MAP3K4: variants seen among roughly 807,000 people sequenced by gnomAD.
The protein encoded by MAP3K4 is mitogen-activated protein kinase kinase kinase 4, also known as MAP three kinase 1.
In MAP3K4, 67 loss-of-function variants were observed where a neutral mutation model predicts 185.6. That is an observed-to-expected ratio of 0.36 (90% CI 0.30 to 0.44). The LOEUF (loss-of-function observed/expected upper bound fraction) is 0.44. Ranked by LOEUF, MAP3K4 falls within the 20% of genes least tolerant of loss-of-function variation. MAP3K4 has a pLI of 1.00. For missense variants in MAP3K4, 1,551 were observed against 1,995.1 expected, an observed-to-expected ratio of 0.78 and a Z score of 4.24; for synonymous variants, 702 against 710.4, an observed-to-expected ratio of 0.99 and a Z score of 0.19.
Position 161,067,268 on chromosome 6 carries a change from G to A in MAP3K4, c.1708-3340G>A, listed in dbSNP as rs1254814534. The A allele has an allele frequency of 2.3e-6, 1 of 442,714 alleles. No individual in the cohort carries two copies. Among genetic ancestry groups the A allele is most frequent in the Admixed American group, 2.4e-5 (1 of 41,234 alleles). 27.4% of individuals were successfully genotyped at this position (442,714 alleles called of 1,614,324 possible). ...TCCATCCAGAAAGACAGGACAACTC[G>A]AAGCAGGGATGGGGCTTGCAGGTCA... is the stretch of plus-strand genomic sequence containing the variant. On this transcript the variant is annotated intron_variant, in intron 3 of 26. Coordinates refer to ENST00000392142, the MANE Select transcript of MAP3K4 (RefSeq NM_005922.4). The surrounding 1 kb of genome is among the most constrained non-coding windows in gnomAD (Gnocchi z 6.3).
intron 1 of MAP3K4, among the ~76,000 whole-genome samples, chr6:161,030,037 T>G (rs1306145425): frequency 1.3e-5 from 2 of 152,202 alleles, no homozygotes; most frequent in African/African-American, 2.4e-5. Context: ...GGGAGTTTTC[T>G]TTATAGTTCT....
At position 161,051,773 on chromosome 6, in the gene MAP3K4, T is replaced by C. The variant is rs1196962977; in HGVS notation, c.1707+1794T>C. ...GCATCCTCCTGTATGCTTTAAATCA[T>C]CTATAGATTACTTATAATACCTAAT... On this transcript the variant is annotated intron_variant, in intron 3 of 26. Transcript: ENST00000392142. This position sits in a 1 kb window ranked among gnomAD's most constrained non-coding sequence, Gnocchi z 4.2. Among the ~76,000 whole-genome samples, 1 of 152,232 alleles carries C rather than the reference T, an allele frequency of 6.6e-6. No individual in the cohort carries two copies. Among genetic ancestry groups the C allele is most frequent in the Non-Finnish European group, 1.5e-5 (1 of 68,028 alleles).
At position 161,091,095 on chromosome 6, in the gene MAP3K4, A is replaced by G. The variant is rs1344637285; in HGVS notation, c.2974-284A>G. On this transcript the variant is annotated intron_variant, in intron 11 of 26. Coordinates refer to ENST00000392142, the MANE Select transcript of MAP3K4 (RefSeq NM_005922.4). This position sits in a 1 kb window ranked among gnomAD's most constrained non-coding sequence, Gnocchi z 5.5. ...TTGAGCAACCGTCCAGGAGGAGAAA[A>G]CAACAGGTGGTTGATGTATAAAAAT... Among the ~76,000 whole-genome samples the G allele has an allele frequency of 1.3e-5, 2 of 152,182 alleles. No homozygotes were observed. Among genetic ancestry groups the G allele is most frequent in the African/African-American group, 4.8e-5 (2 of 41,430 alleles).
chr6:161,078,757 G>A lies in MAP3K4; in HGVS notation c.2098-2124G>A, dbSNP rs569631102. 3.9e-5 allele frequency among the ~76,000 whole-genome samples: 6 copies of A among 152,288 alleles called. No individual in the cohort carries two copies. In the South Asian group the frequency reaches 8.3e-4, roughly 21 times the overall value. ...GATGCTAAGCCACGGCAGGGTGGCC[G>A]AGCCCGAGATGGAGGAAAGACTGTT... On this transcript the variant is annotated intron_variant, in intron 5 of 26. Coordinates refer to ENST00000392142, the MANE Select transcript of MAP3K4 (RefSeq NM_005922.4).
intron 1 of MAP3K4, among the ~76,000 whole-genome samples, chr6:161,003,033 CATGAT>C (rs4064996): frequency 0.35 from 53,639 of 151,750 alleles, 11,375 homozygotes; most frequent in Admixed American, 0.53. Flanking sequence ...AATTTGATAA[CATGAT>C]ATAACATATG....
chr6:161,030,378 T>A (rs567897005), intron 1 of MAP3K4, among the ~76,000 whole-genome samples: 29 of 152,216 alleles, frequency 1.9e-4, no homozygotes, highest in Admixed American at 1.6e-3. Context: ...TCATTTCTGG[T>A]CTGTTTCTTT....
rs1415936095 is a variant in MAP3K4, at chr6:161,110,392, A to G, written c.4396+478A>G. Among the ~76,000 whole-genome samples the G allele has an allele frequency of 6.6e-6, 1 of 152,184 alleles. No homozygotes were observed. The highest frequency in any genetic ancestry group is 1.9e-4 in the East Asian group (1 of 5,194). On this transcript the variant is annotated intron_variant, in intron 23 of 26. Transcript: ENST00000392142. This position sits in a 1 kb window ranked among gnomAD's most constrained non-coding sequence, Gnocchi z 4.8. ...AAACCTTGAAATTGAGTTCTGCTGAAGGTTATTTTGGCCATGCTGATGGAT... is the reference window on the plus strand; with the variant it reads ...AAACCTTGAAATTGAGTTCTGCTGAGGGTTATTTTGGCCATGCTGATGGAT...
rs1778512277 is a variant in MAP3K4, at chr6:161,114,642, T to C, written c.4627-481T>C. 6.6e-6 allele frequency among the ~76,000 whole-genome samples: 1 copy of C among 152,242 alleles called. No homozygotes were observed. Among genetic ancestry groups the C allele is most frequent in the Non-Finnish European group, 1.5e-5 (1 of 68,024 alleles). ...CACACTTAGTTCCTTCCCCTGTGAA[T>C]CTCATTTTTCATAGGATCATAATGA... On this transcript the variant is annotated intron_variant, in intron 25 of 26. Coordinates refer to ENST00000392142, the MANE Select transcript of MAP3K4 (RefSeq NM_005922.4). The surrounding 1 kb of genome is among the most constrained non-coding windows in gnomAD (Gnocchi z 4.3).
At chr6:161,092,206 A>G in intron 13 of MAP3K4, 63 bp downstream of exon 13, 1 of 1,582,440 alleles carries the variant, frequency 6.3e-7, no homozygotes, top group Non-Finnish European at 8.7e-7. Context: ...TTGTTCATAT[A>G]TGTTCTGTGG....
chr6:161,069,306 C>T (rs181311490), intron 3 of MAP3K4, among the ~76,000 whole-genome samples: 158 of 152,238 alleles, frequency 1.0e-3, no homozygotes, highest in African/African-American at 3.7e-3. Context: ...ATTTTAGTGG[C>T]ATGCTGTTGG....
At chr6:161,102,878 A>T in intron 19 of MAP3K4, 99 bp downstream of exon 19, 1 of 709,290 alleles carries the variant, frequency 1.4e-6, no homozygotes, top group Non-Finnish European at 2.3e-6. Context: ...TAGCTTCTGA[A>T]TTATTAGGCC....
rs1777640556 is a variant in MAP3K4 at position 161,097,839 on chromosome 6, G to A, written c.3525-439G>A. 6.6e-6 allele frequency among the ~76,000 whole-genome samples: 1 copy of A among 151,874 alleles called. No homozygotes were observed. The highest frequency in any genetic ancestry group is 1.5e-5 in the Non-Finnish European group (1 of 67,996). On this transcript the variant is annotated intron_variant, in intron 16 of 26. Coordinates refer to ENST00000392142, the MANE Select transcript of MAP3K4 (RefSeq NM_005922.4). This position sits in a 1 kb window ranked among gnomAD's most constrained non-coding sequence, Gnocchi z 4.9. ...GCGGTGACTCACGCCTGTAATTCCAGCACTTTAGGAGGACGAGGCGGGAGG... is the reference window on the plus strand; with the variant it reads ...GCGGTGACTCACGCCTGTAATTCCAACACTTTAGGAGGACGAGGCGGGAGG...
Position 161,112,300 on chromosome 6 carries a change from G to A in MAP3K4, c.4519+342G>A, listed in dbSNP as rs1295241217. 6.6e-6 allele frequency among the ~76,000 whole-genome samples: 1 copy of A among 152,112 alleles called. No homozygotes were observed. Among genetic ancestry groups the A allele is most frequent in the Non-Finnish European group, 1.5e-5 (1 of 68,026 alleles). On this transcript the variant is annotated intron_variant, in intron 24 of 26. Coordinates refer to ENST00000392142, the MANE Select transcript of MAP3K4 (RefSeq NM_005922.4). The surrounding 1 kb of genome is among the most constrained non-coding windows in gnomAD (Gnocchi z 5.1). ...ACCCCGAATCACTCAGCATACACCA[G>A]TCTCGTTGGCTGCCTGCCTGTCCAC... is the stretch of plus-strand genomic sequence containing the variant.
At position 161,056,761 on chromosome 6, in the gene MAP3K4, C is replaced by T. The variant is rs1784255430; in HGVS notation, c.1707+6782C>T. 6.6e-6 allele frequency among the ~76,000 whole-genome samples: 1 copy of T among 152,144 alleles called. No homozygotes were observed. Among genetic ancestry groups the T allele is most frequent in the Non-Finnish European group, 1.5e-5 (1 of 68,010 alleles). ...TTAGGTCAGCACCTTTTTCCTTCAC[C>T]TTCCTCAGTGAGGTGGTATCATACT... On this transcript the variant is annotated intron_variant, in intron 3 of 26. Coordinates refer to ENST00000392142, the MANE Select transcript of MAP3K4 (RefSeq NM_005922.4). This position sits in a 1 kb window ranked among gnomAD's most constrained non-coding sequence, Gnocchi z 5.4.
intron 25 of MAP3K4, among the ~76,000 whole-genome samples, chr6:161,113,084 C>G (rs768253500): frequency 6.6e-6 from 1 of 152,122 alleles, no homozygotes; most frequent in Non-Finnish European, 1.5e-5. Flanking sequence ...CACAAAAACC[C>G]GCACATGAAT....
Position 161,061,713 on chromosome 6 carries a change from T to C in MAP3K4, c.1708-8895T>C, listed in dbSNP as rs1241084498. 1.3e-5 allele frequency among the ~76,000 whole-genome samples: 2 copies of C among 152,250 alleles called. No individual in the cohort carries two copies. Among genetic ancestry groups the C allele is most frequent in the Non-Finnish European group, 2.9e-5 (2 of 68,038 alleles). On this transcript the variant is annotated intron_variant, in intron 3 of 26. Transcript: ENST00000392142. This position sits in a 1 kb window ranked among gnomAD's most constrained non-coding sequence, Gnocchi z 4.2. ...GCCATATAAATGTGGTCATATGGTATGTGGTCTTTTGAGACTGGCTTCTTT... is the reference window on the plus strand; with the variant it reads ...GCCATATAAATGTGGTCATATGGTACGTGGTCTTTTGAGACTGGCTTCTTT...
In MAP3K4 at chr6:161,110,283, T is replaced by G. The variant is rs1778289570; in HGVS notation, c.4396+369T>G. On this transcript the variant is annotated intron_variant, in intron 23 of 26. Transcript: ENST00000392142. This position sits in a 1 kb window ranked among gnomAD's most constrained non-coding sequence, Gnocchi z 4.8. ...TATTTATATATGAAAATCATGAATA[T>G]GTAAACCGACAGTAAATCAGATCAG... 6.6e-6 allele frequency among the ~76,000 whole-genome samples: 1 copy of G among 152,230 alleles called. No homozygotes were observed. Among genetic ancestry groups the G allele is most frequent in the Admixed American group, 6.5e-5 (1 of 15,286 alleles).
chr6:161,026,163 C>T (rs964093629), intron 1 of MAP3K4, among the ~76,000 whole-genome samples: 10 of 151,786 alleles, frequency 6.6e-5, no homozygotes, highest in Non-Finnish European at 1.2e-4. Context: ...TGGAGTCTTG[C>T]TCTGTGGCCC....
chr6:161,113,084 C>T (rs768253500), intron 25 of MAP3K4, among the ~76,000 whole-genome samples: 1 of 152,122 alleles, frequency 6.6e-6, no homozygotes, highest in Non-Finnish European at 1.5e-5. Flanking sequence ...CACAAAAACC[C>T]GCACATGAAT....
Sources: gnomAD v4.1 joint callset for allele counts (sites outside exome capture counted in the v4.1 genomes callset) on GRCh38, gnomAD v4.1.1 for gene constraint, Gnocchi (gnomAD v3.1) non-coding constraint, MANE v1.5 for transcripts, NCBI Gene and HGNC (gene_info 2026-07-23, HGNC 2026-07-21) for gene names.